The following MAP3K13 variants were observed in gnomAD, a reference collection of about 807,000 sequenced individuals.
MAP3K13 encodes the protein leucine zipper-bearing kinase.
MAP3K13 carries 52 observed loss-of-function variants against 104.0 expected under a neutral mutation model. The ratio of observed to expected loss-of-function variants is 0.50; its 90% CI spans 0.40 to 0.63. MAP3K13 has a LOEUF of 0.63. Among genes scored for constraint, MAP3K13 ranks in the 20% least tolerant of loss-of-function variants. The pLI is 0.00. For synonymous variants in MAP3K13, 394 were observed against 442.2 expected (o/e 0.89, Z 1.37); for missense variants, 914 against 1,218.5 (o/e 0.75, Z 3.72).
intron 11 of MAP3K13, among the ~76,000 whole-genome samples, chr3:185,474,241 G>A (rs1717979367): frequency 1.3e-5 from 2 of 152,174 alleles, no homozygotes; most frequent in Non-Finnish European, 2.9e-5. Context: ...CATGAGAATT[G>A]CTTGAACCTG....
At position 185,399,836 on chromosome 3, in the gene MAP3K13, C is replaced by T. The variant is rs1370061454; in HGVS notation, c.-85-28661C>T. Among the ~76,000 whole-genome samples the T allele has an allele frequency of 2.6e-5, 4 of 152,040 alleles. No individual in the cohort carries two copies. In the East Asian group the frequency reaches 7.7e-4, roughly 29 times the overall value. On this transcript the variant is annotated intron_variant, in intron 1 of 13. Coordinates refer to ENST00000265026, the MANE Select transcript of MAP3K13 (RefSeq NM_004721.5). ...GATAAACCCTGGCTCGTTACCTCCT[C>T]CCTGCAGCTCCTCCGCCCTGCACCC...
At chr3:185,479,583 C>T (rs1373166296) in intron 12 of MAP3K13, among the ~76,000 whole-genome samples, 2 of 152,158 alleles carry the variant, frequency 1.3e-5, no homozygotes, top group Non-Finnish European at 2.9e-5. Flanking sequence ...TTTCAAAGGC[C>T]AGTCATAGCC....
At chr3:185,459,591 A>T (rs1320719322) in intron 7 of MAP3K13, among the ~76,000 whole-genome samples, 3 of 151,980 alleles carry the variant, frequency 2.0e-5, no homozygotes, top group Non-Finnish European at 4.4e-5. Flanking sequence ...CTGGGACTAC[A>T]GGCACCTGCC....
At chr3:185,463,159 C>T (rs1199702733) in intron 7 of MAP3K13, among the ~76,000 whole-genome samples, 1 of 152,226 alleles carries the variant, frequency 6.6e-6, no homozygotes, top group Admixed American at 6.5e-5. Flanking sequence ...CGTAATCTCA[C>T]ATGCACACAT....
chr3:185,429,271 C>A (rs183825193), intron 2 of MAP3K13, among the ~76,000 whole-genome samples: 9 of 152,252 alleles, frequency 5.9e-5, no homozygotes, highest in Admixed American at 4.6e-4. Flanking sequence ...TTGTGGTCAT[C>A]CAGTCTAGCG....
chr3:185,407,400 TAAAGGA>T (rs1713174031), intron 1 of MAP3K13, among the ~76,000 whole-genome samples: 1 of 152,210 alleles, frequency 6.6e-6, no homozygotes, highest in Non-Finnish European at 1.5e-5. Flanking sequence ...CAAATGGTGC[TAAAGGA>T]TTCTAAATAC....
Position 185,320,424 on chromosome 3 carries a change from G to A in MAP3K13, c.-86+34781G>A, listed in dbSNP as rs1034329287. Reference sequence around the variant, plus strand: ...TGTAGAAAGGCAAACCTTAAGAAACGAGCTAGTTTATCTTGACTACTCTTA... The same window carrying A: ...TGTAGAAAGGCAAACCTTAAGAAACAAGCTAGTTTATCTTGACTACTCTTA... On this transcript the variant is annotated intron_variant, in intron 2 of 14. Coordinates refer to the MAP3K13 transcript ENST00000424227. Among the ~76,000 whole-genome samples, 5 of 152,164 alleles carry A rather than the reference G, an allele frequency of 3.3e-5. No homozygotes were observed. The East Asian group carries it at 9.7e-4, about 29-fold the overall frequency.
rs1158948547 is a variant in MAP3K13 at position 185,473,200 on chromosome 3, A to G, written c.1869A>G (p.Gln623=). ...ENSPHPTYLH[Q]AQSQYPSLHH... is the part of the protein sequence containing the mutation. The stretch of plus-strand genomic sequence containing the variant: ...CACCCCATCCCACTTACCTGCACCA[A>G]GCTCAATCCCAATACCCTTCTCTTC... The change falls in exon 11 of 14, where the codon CAA becomes CAG. Residue 623 remains glutamine (Q), a synonymous_variant. Coordinates refer to ENST00000265026, the MANE Select transcript of MAP3K13 (RefSeq NM_004721.5). This position sits in a 1 kb window ranked among gnomAD's most constrained non-coding sequence, Gnocchi z 4.9. The G allele has an allele frequency of 6.2e-7, 1 of 1,614,170 alleles. No homozygotes were observed. The highest frequency in any genetic ancestry group is 8.5e-7 in the Non-Finnish European group (1 of 1,180,020).
intron 2 of MAP3K13, among the ~76,000 whole-genome samples, chr3:185,429,625 A>G (rs1009786572): frequency 6.6e-6 from 1 of 152,164 alleles, no homozygotes; most frequent in Non-Finnish European, 1.5e-5. Flanking sequence ...CTCTAAAATA[A>G]TTAATTAATG....
chr3:185,472,840 A>G (rs1717884068), intron 10 of MAP3K13, 135 bp from the exon 11 acceptor site: 1 of 815,728 alleles, frequency 1.2e-6, no homozygotes, highest in African/African-American at 1.7e-5. Flanking sequence ...AAGACCCCTC[A>G]TACGTTATCT....
intron 10 of MAP3K13, among the ~76,000 whole-genome samples, chr3:185,469,407 A>G (rs1717643530): frequency 6.6e-6 from 1 of 152,228 alleles, no homozygotes; most frequent in Admixed American, 6.5e-5. Flanking sequence ...TGTGATGGAT[A>G]CAACCCAGCA....
At chr3:185,359,529 T>A (rs1203660783), upstream of MAP3K13, among the ~76,000 whole-genome samples, 1 of 152,216 alleles carries the variant, frequency 6.6e-6, no homozygotes, top group Non-Finnish European at 1.5e-5. Context: ...AGGGTCTCAA[T>A]AACAAAATAA....
chr3:185,455,750 ATATATATATGAGATATATATAT>A (rs1247867228), intron 7 of MAP3K13, among the ~76,000 whole-genome samples: 18 of 22,166 alleles, frequency 8.1e-4, no homozygotes, highest in Admixed American at 1.3e-3. Context: ...TATATATATG[ATATATATATGAGATATATATAT>A]GATATATATA....
chr3:185,404,179 A>C (rs1712975395), intron 1 of MAP3K13, among the ~76,000 whole-genome samples: 1 of 152,258 alleles, frequency 6.6e-6, no homozygotes, highest in Admixed American at 6.5e-5. Context: ...AAGATTAAAT[A>C]CTGGAAATAG....
At chr3:185,429,810 C>T (rs1358238485) in intron 2 of MAP3K13, among the ~76,000 whole-genome samples, 1 of 152,028 alleles carries the variant, frequency 6.6e-6, no homozygotes, top group Non-Finnish European at 1.5e-5. Flanking sequence ...TATTTTCTTA[C>T]AATAAAGGCA....
intron 2 of MAP3K13, among the ~76,000 whole-genome samples, chr3:185,337,398 T>C (rs1032376207): frequency 6.6e-6 from 1 of 152,240 alleles, no homozygotes; most frequent in African/African-American, 2.4e-5. Context: ...TCTCTAATTT[T>C]CAATAAAGGC....
chr3:185,304,926 C>A (rs1332770218), intron 2 of MAP3K13, among the ~76,000 whole-genome samples: 1 of 58,116 alleles, frequency 1.7e-5, no homozygotes, highest in Non-Finnish European at 4.9e-5. Context: ...GCCACCGCAC[C>A]CGGCCACCCC....
At chr3:185,311,597 G>C (rs1454969407) in intron 2 of MAP3K13, among the ~76,000 whole-genome samples, 1 of 152,148 alleles carries the variant, frequency 6.6e-6, no homozygotes, top group African/African-American at 2.4e-5. Context: ...AGCCTGGGGA[G>C]GTCCTCAGGC....
chr3:185,360,818 C>CTTT (rs532196266), upstream of MAP3K13, among the ~76,000 whole-genome samples: 204 of 78,090 alleles, frequency 2.6e-3, 10 homozygotes, highest in African/African-American at 8.1e-3. Flanking sequence ...ACAGCTTTAG[C>CTTT]TTTTTTTTTT....
Sources: allele counts gnomAD v4.1 joint callset (sites outside exome capture counted in the v4.1 genomes callset), GRCh38; gene constraint gnomAD v4.1.1; non-coding constraint Gnocchi (gnomAD v3.1); transcripts MANE v1.5; gene names NCBI Gene and HGNC (gene_info 2026-07-23, HGNC 2026-07-21).